The following PARN variants were observed in gnomAD, a reference collection of about 807,000 sequenced individuals.
PARN encodes poly(A)-specific ribonuclease, also known as poly(A)-specific ribonuclease PARN.
A neutral mutation model predicts 102.8 loss-of-function variants in PARN; 71 were observed. That is an observed-to-expected ratio of 0.69 (90% CI 0.57 to 0.84). PARN has a LOEUF of 0.84. Ranked by LOEUF, PARN falls within the 40% of genes least tolerant of loss-of-function variation. The probability of loss-of-function intolerance (pLI) is 0.00; values close to 1 mark genes in which losing one functional copy is unlikely to be tolerated. For missense variants in PARN, 782 were observed against 760.9 expected (o/e 1.03, Z -0.33); for synonymous variants, 261 against 252.9 (o/e 1.03, Z -0.30).
chr16:14,542,236 G>A (rs201960871), intron 21 of PARN, among the ~76,000 whole-genome samples: 5 of 151,444 alleles, frequency 3.3e-5, no homozygotes, highest in East Asian at 3.9e-4. Flanking sequence ...AAACTCCTAC[G>A]CTCCAGTAAT....
At chr16:14,460,908 G>GA (rs1337729887) in intron 22 of PARN, among the ~76,000 whole-genome samples, 1 of 152,188 alleles carries the variant, frequency 6.6e-6, no homozygotes, top group East Asian at 1.9e-4. Context: ...GCAGAGTGTG[G>GA]AAAGAGAGAG....
chr16:14,519,840 T>C lies in PARN; in HGVS notation c.1480+32181A>G, dbSNP rs187700543. 1.2e-3 allele frequency among the ~76,000 whole-genome samples: 189 copies of C among 152,286 alleles called. 2 individuals are homozygous for C. The highest frequency in any genetic ancestry group is 4.4e-5 in the Non-Finnish European group (3 of 68,026). On this transcript the variant is annotated intron_variant, in intron 21 of 23. Coordinates refer to ENST00000437198, the MANE Select transcript of PARN (RefSeq NM_002582.4). Reference sequence around the variant, plus strand: ...GTAAAAGTTTCTCTTTATAGATATATTCCAACTAATAAAAGAAAAAGGCAT... The same window carrying C: ...GTAAAAGTTTCTCTTTATAGATATACTCCAACTAATAAAAGAAAAAGGCAT...
chr16:14,550,902 T>C lies in PARN; in HGVS notation c.1480+1119A>G, dbSNP rs1370208454. Among the ~76,000 whole-genome samples, 3 of 152,232 alleles carry C rather than the reference T, an allele frequency of 2.0e-5. No homozygotes were observed. In the East Asian group the frequency reaches 5.8e-4, roughly 29 times the overall value. On this transcript the variant is annotated intron_variant, in intron 21 of 23. Transcript: ENST00000437198. ...CAAAACGTTTAATTGATGGTTAATA[T>C]CAAAATATCAAAATTATTTAGGATC...
At chr16:14,468,389 A>T (rs764994906) in intron 22 of PARN, among the ~76,000 whole-genome samples, 237 of 152,366 alleles carry the variant, frequency 1.6e-3, no homozygotes, top group Non-Finnish European at 2.6e-3. Flanking sequence ...CAGTCGGTCC[A>T]TGTTTTTAGA....
intron 5 of PARN, among the ~76,000 whole-genome samples, chr16:14,622,442 C>T (rs1413854449): frequency 6.6e-6 from 1 of 152,226 alleles, no homozygotes; most frequent in Non-Finnish European, 1.5e-5. Flanking sequence ...CGTATCCATA[C>T]TACGAAATAA....
rs1596751535 is a variant in PARN, at chr16:14,584,495, C to G, written c.1006-73G>C. ...AATATATTAAAGAGATTCACTGACC[C>G]CCCCAAAAAAAAGACAGCATCTAGT... On this transcript the variant is annotated intron_variant, in intron 15 of 23. Transcript: ENST00000437198. The G allele has an allele frequency of 1.1e-5, 13 of 1,213,538 alleles. No individual in the cohort carries two copies. In the East Asian group the frequency reaches 2.8e-4, roughly 26 times the overall value. 75.2% of individuals were successfully genotyped at this position (1,213,538 alleles called of 1,614,324 possible).
rs775266698 is a variant in PARN at position 14,584,766 on chromosome 16, T to C, written c.988A>G (p.Ser330Gly). The change falls in exon 15 of 24, where the codon AGC (serine) becomes GGC (glycine). Residue 330 changes from serine to glycine, a missense_variant. Physicochemically the swap from Ser to Gly is moderately conservative, Grantham distance 56 (BLOSUM62 0). Transcript: ENST00000437198. Reference protein sequence around the residue: ...PRLLDTKLMASTQPFKDIINN... With the variant: ...PRLLDTKLMAGTQPFKDIINN... ...AATAATACCTTAAAAGGTTGTGTGCTGGCCATCAATTTAGTATCCAAGAGT... is the reference window on the plus strand; with the variant it reads ...AATAATACCTTAAAAGGTTGTGTGCCGGCCATCAATTTAGTATCCAAGAGT... The C allele has an allele frequency of 8.9e-6, 14 of 1,570,708 alleles. No homozygotes were observed. Among genetic ancestry groups the C allele is most frequent in the Non-Finnish European group, 1.2e-5 (14 of 1,163,446 alleles).
At chr16:14,512,000 C>T (rs1341886057) in intron 21 of PARN, among the ~76,000 whole-genome samples, 1 of 152,176 alleles carries the variant, frequency 6.6e-6, no homozygotes, top group African/African-American at 2.4e-5. Flanking sequence ...TTAAATACAT[C>T]TATAACCTAC....
chr16:14,571,357 CAAA>C (rs397773967), intron 18 of PARN, among the ~76,000 whole-genome samples: 2 of 86,830 alleles, frequency 2.3e-5, no homozygotes. Flanking sequence ...GATTCCAACT[CAAA>C]AAAAAAAAAA....
intron 21 of PARN, among the ~76,000 whole-genome samples, chr16:14,521,840 G>A (rs991138431): frequency 1.3e-5 from 2 of 151,440 alleles, no homozygotes; most frequent in African/African-American, 2.4e-5. Flanking sequence ...ACCTATTGAC[G>A]TTTCAGTCAA....
intron 23 of PARN, among the ~76,000 whole-genome samples, chr16:14,441,296 A>C (rs1490607735): frequency 6.6e-6 from 1 of 152,242 alleles, no homozygotes; most frequent in Non-Finnish European, 1.5e-5. Flanking sequence ...ATTAACCAAA[A>C]AAACAAAAAA....
At chr16:14,554,934 T>C (rs8061748) in intron 19 of PARN, among the ~76,000 whole-genome samples, 35,802 of 152,116 alleles carry the variant, frequency 0.24, 4,753 homozygotes, top group Middle Eastern at 0.33. Flanking sequence ...TAGAACTTAT[T>C]TGTGCAGCTC....
intron 13 of PARN, among the ~76,000 whole-genome samples, chr16:14,590,864 G>A (rs1426814493): frequency 6.6e-6 from 1 of 152,114 alleles, no homozygotes; most frequent in Non-Finnish European, 1.5e-5. Context: ...GGAACAATGG[G>A]ACCTAAGAAA....
intron 22 of PARN, among the ~76,000 whole-genome samples, chr16:14,467,941 G>A (rs903335054): frequency 2.0e-5 from 3 of 152,184 alleles, no homozygotes. Flanking sequence ...TTATTTAAAC[G>A]TTTTTCCAAG....
At chr16:14,465,518 A>G (rs1244382265) in intron 22 of PARN, among the ~76,000 whole-genome samples, 4 of 152,232 alleles carry the variant, frequency 2.6e-5, no homozygotes, top group Non-Finnish European at 5.9e-5. Context: ...AAATTTAAGT[A>G]TATTACTGTA....
chr16:14,574,875 G>GA (rs1333585088), intron 18 of PARN, among the ~76,000 whole-genome samples: 1 of 152,066 alleles, frequency 6.6e-6, no homozygotes, highest in African/African-American at 2.4e-5. Flanking sequence ...AGTTTAGGAG[G>GA]AAAAAATGGT....
chr16:14,564,449 AG>A (rs1448671939), intron 18 of PARN, among the ~76,000 whole-genome samples: 1 of 152,230 alleles, frequency 6.6e-6, no homozygotes, highest in Non-Finnish European at 1.5e-5. Flanking sequence ...GGAGATCAAA[AG>A]GACAACCTTC....
At chr16:14,534,892 T>A (rs1234844183) in intron 21 of PARN, among the ~76,000 whole-genome samples, 1 of 150,998 alleles carries the variant, frequency 6.6e-6, no homozygotes, top group Non-Finnish European at 1.5e-5. Flanking sequence ...TGGAGTGCAA[T>A]GGCGCCATCT....
Position 14,608,296 on chromosome 16 carries a change from T to G in PARN, c.644A>C (p.Gln215Pro). 1 of 1,541,370 alleles carries G rather than the reference T, an allele frequency of 6.5e-7. No individual in the cohort carries two copies. Reference sequence around the variant, plus strand: ...AAATACTTACTTCCAGCTCAAAGTCTGATAAATTAGTTTTCTTTGGAACCT... The same window carrying G: ...AAATACTTACTTCCAGCTCAAAGTCGGATAAATTAGTTTTCTTTGGAACCT... ...CTGFQRKLIYQTLSWKYPKGI... is the reference protein window; with the variant it reads ...CTGFQRKLIYPTLSWKYPKGI... The change falls in exon 9 of 24, where the codon CAG (glutamine) becomes CCG (proline). Residue 215 changes from glutamine to proline, a missense_variant. Coordinates refer to ENST00000437198, the MANE Select transcript of PARN (RefSeq NM_002582.4).
Sources: allele counts gnomAD v4.1 joint callset (sites outside exome capture counted in the v4.1 genomes callset), GRCh38; gene constraint gnomAD v4.1.1; transcripts MANE v1.5; gene names NCBI Gene and HGNC (gene_info 2026-07-23, HGNC 2026-07-21).